Variants in LUZP2 observed in about 807,000 individuals in gnomAD.
LUZP2 encodes the protein leucine zipper protein 2.
A neutral mutation model predicts 51.6 loss-of-function variants in LUZP2; 52 were observed. The observed-to-expected ratio is 1.01, with a 90% CI of 0.81 to 1.27. LUZP2 has a LOEUF of 1.27. Ranked by LOEUF, LUZP2 falls within the 50% of genes most tolerant of loss-of-function variation. The probability of loss-of-function intolerance (pLI) is 0.00; values close to 1 mark genes in which losing one functional copy is unlikely to be tolerated. For synonymous variants in LUZP2, 154 were observed against 137.3 expected, an observed-to-expected ratio of 1.12 and a Z score of -0.85; for missense variants, 436 against 395.4, an observed-to-expected ratio of 1.10 and a Z score of -0.87.
At chr11:24,725,526 A>C (rs1341125934) in intron 1 of LUZP2, among the ~76,000 whole-genome samples, 1 of 152,126 alleles carries the variant, frequency 6.6e-6, no homozygotes, top group African/African-American at 2.4e-5. Context: ...CATGGGTTGG[A>C]GAAACCTAAG....
intron 5 of LUZP2, among the ~76,000 whole-genome samples, chr11:24,857,068 G>T (rs1367034145): frequency 2.6e-5 from 4 of 151,834 alleles, no homozygotes; most frequent in African/African-American, 4.8e-5. Flanking sequence ...AACTGCCCTT[G>T]TACCTCTTAT....
At chr11:24,852,525 AT>A (rs1208111192) in intron 5 of LUZP2, among the ~76,000 whole-genome samples, 2 of 152,112 alleles carry the variant, frequency 1.3e-5, no homozygotes, top group African/African-American at 4.8e-5. Flanking sequence ...TTTACTTCCA[AT>A]TATGTGGTCA....
chr11:24,873,144 G>A (rs1852135842), intron 5 of LUZP2, among the ~76,000 whole-genome samples: 1 of 152,130 alleles, frequency 6.6e-6, no homozygotes, highest in African/African-American at 2.4e-5. Context: ...AAACCCCAGT[G>A]CTAGTCTAAA....
At chr11:24,663,311 T>G (rs935012110) in intron 1 of LUZP2, among the ~76,000 whole-genome samples, 13 of 152,112 alleles carry the variant, frequency 8.5e-5, no homozygotes, top group Admixed American at 4.6e-4. Flanking sequence ...ACTTCCCCTT[T>G]GTTCTCTCTT....
chr11:24,953,165 G>A (rs1197836322), intron 7 of LUZP2, among the ~76,000 whole-genome samples: 2 of 151,860 alleles, frequency 1.3e-5, no homozygotes, highest in Non-Finnish European at 2.9e-5. Flanking sequence ...ACTATCTGCT[G>A]CTTTCAACAA....
chr11:24,897,519 G>C (rs1029899181), intron 5 of LUZP2, among the ~76,000 whole-genome samples: 5 of 151,978 alleles, frequency 3.3e-5, no homozygotes, highest in African/African-American at 1.2e-4. Context: ...CCGAGGCGCT[G>C]CATTAAGAGC....
chr11:24,657,837 G>A (rs1855863019), intron 1 of LUZP2, among the ~76,000 whole-genome samples: 1 of 152,042 alleles, frequency 6.6e-6, no homozygotes, highest in Admixed American at 6.6e-5. Context: ...GCTTCAAAGA[G>A]AATAAAATAC....
chr11:24,587,161 T>G (rs1853095114), intron 1 of LUZP2, among the ~76,000 whole-genome samples: 2 of 152,118 alleles, frequency 1.3e-5, no homozygotes, highest in African/African-American at 4.8e-5. Context: ...TAAACATAGA[T>G]GTACGTAGGA....
At chr11:24,640,447 T>C (rs1235544398) in intron 1 of LUZP2, among the ~76,000 whole-genome samples, 1 of 151,980 alleles carries the variant, frequency 6.6e-6, no homozygotes, top group African/African-American at 2.4e-5. Context: ...CGGTTGTGCA[T>C]CTGACAAATC....
intron 9 of LUZP2, among the ~76,000 whole-genome samples, chr11:25,011,048 T>G (rs2133958034): frequency 6.6e-6 from 1 of 152,264 alleles, no homozygotes. Flanking sequence ...GGGAATCCAA[T>G]ATTGATGTCA....
chr11:24,920,181 A>C (rs1490449886), intron 7 of LUZP2, among the ~76,000 whole-genome samples: 1 of 152,004 alleles, frequency 6.6e-6, no homozygotes, highest in East Asian at 1.9e-4. Context: ...GTTGAGATAC[A>C]TAATGGCAGA....
At chr11:24,850,364 CATTCATTAAG>C (rs1019598964) in intron 5 of LUZP2, among the ~76,000 whole-genome samples, 1 of 152,106 alleles carries the variant, frequency 6.6e-6, no homozygotes, top group Admixed American at 6.6e-5. Flanking sequence ...TTTCCAGCAC[CATTCATTAAG>C]TAGGGAATCC....
chr11:24,539,944 A>G (rs540147437), intron 1 of LUZP2, among the ~76,000 whole-genome samples: 66 of 152,092 alleles, frequency 4.3e-4, no homozygotes, highest in Middle Eastern at 3.4e-3. Flanking sequence ...CACCATTATT[A>G]TGATATGTAT....
intron 5 of LUZP2, among the ~76,000 whole-genome samples, chr11:24,794,154 A>C (rs1179929707): frequency 6.6e-6 from 1 of 152,098 alleles, no homozygotes; most frequent in Admixed American, 6.6e-5. Context: ...GCCTTGTCAG[A>C]TCTCCTTATC....
In LUZP2 at chr11:24,652,993, C is replaced by T. The variant is rs778411442; in HGVS notation, c.63-76176C>T. 4.6e-5 allele frequency among the ~76,000 whole-genome samples: 7 copies of T among 152,108 alleles called. No individual in the cohort carries two copies. The South Asian group carries it at 1.5e-3, about 32-fold the overall frequency. ...TAATGTGGAAAATTTAGAATTGTGT[C>T]AAAGGTTAGAATTAAGGTGCTAAGT... On this transcript the variant is annotated intron_variant, in intron 1 of 11. Coordinates refer to ENST00000336930, the MANE Select transcript of LUZP2 (RefSeq NM_001009909.4).
intron 7 of LUZP2, among the ~76,000 whole-genome samples, chr11:24,917,895 G>T (rs1350655532): frequency 6.6e-6 from 1 of 152,232 alleles, no homozygotes; most frequent in Non-Finnish European, 1.5e-5. Flanking sequence ...GCTTGCTGGG[G>T]ATGATATTGA....
intron 1 of LUZP2, among the ~76,000 whole-genome samples, chr11:24,665,610 C>T (rs552241042): frequency 6.6e-6 from 1 of 152,050 alleles, no homozygotes; most frequent in East Asian, 1.9e-4. Context: ...GGGGCATTTC[C>T]CCCCATGCTA....
At chr11:24,785,735 C>A in intron 5 of LUZP2, 1 of 310,926 alleles carries the variant, frequency 3.2e-6, no homozygotes, top group African/African-American at 2.3e-5. Flanking sequence ...GGCTAGGATG[C>A]TACATATGTG....
At chr11:24,951,277 T>C (rs188271955) in intron 7 of LUZP2, among the ~76,000 whole-genome samples, 2 of 151,680 alleles carry the variant, frequency 1.3e-5, no homozygotes, top group East Asian at 3.9e-4. Context: ...TGTTAAATGA[T>C]TATAAAAATA....
Sources: allele counts gnomAD v4.1 joint callset (sites outside exome capture counted in the v4.1 genomes callset), GRCh38; gene constraint gnomAD v4.1.1; transcripts MANE v1.5; gene names NCBI Gene and HGNC (gene_info 2026-07-23, HGNC 2026-07-21).